Variants in NNMT observed in about 807,000 individuals in gnomAD.
NNMT encodes the protein nicotinamide N-methyltransferase.
A neutral mutation model predicts 11.7 loss-of-function variants in NNMT; 10 were observed. The observed-to-expected ratio is 0.85, with a 90% CI of 0.53 to 1.45. The LOEUF is 1.45. NNMT is among the 40% of genes most tolerant of loss of function. The probability of loss-of-function intolerance (pLI) is 0.00; values close to 1 mark genes in which losing one functional copy is unlikely to be tolerated. For missense variants in NNMT, 381 were observed against 319.4 expected (o/e 1.19, Z -1.47); for synonymous variants, 143 against 133.8 (o/e 1.07, Z -0.48).
intron 2 of NNMT, among the ~76,000 whole-genome samples, chr11:114,308,265 A>G (rs1565728997): frequency 6.6e-6 from 1 of 152,068 alleles, no homozygotes; most frequent in Non-Finnish European, 1.5e-5. Context: ...ACGCTTACTT[A>G]GCCTTGATTT....
At chr11:114,274,578 C>T (rs940520484) in intron 2 of NNMT, among the ~76,000 whole-genome samples, 5 of 152,112 alleles carry the variant, frequency 3.3e-5, no homozygotes, top group African/African-American at 9.7e-5. Flanking sequence ...CTGTGGGGCT[C>T]ATGTAGAAAT....
intron 2 of NNMT, among the ~76,000 whole-genome samples, chr11:114,304,683 T>C (rs1302292086): frequency 6.6e-6 from 1 of 152,082 alleles, no homozygotes; most frequent in Non-Finnish European, 1.5e-5. Flanking sequence ...TAAATACCAC[T>C]CATTTTAAAT....
intron 1 of NNMT, among the ~76,000 whole-genome samples, chr11:114,297,577 C>T (rs1945394617): frequency 1.3e-5 from 2 of 151,332 alleles, no homozygotes. Context: ...TCTCGAACTC[C>T]TGGACTCAAG....
intron 2 of NNMT, among the ~76,000 whole-genome samples, chr11:114,268,813 C>G (rs952512774): frequency 1.3e-5 from 2 of 151,344 alleles, no homozygotes; most frequent in Admixed American, 1.3e-4. Flanking sequence ...GGTTCCCTGC[C>G]TTAGAGCTCC....
At chr11:114,302,390 G>A (rs1393228970) in intron 2 of NNMT, among the ~76,000 whole-genome samples, 1 of 152,084 alleles carries the variant, frequency 6.6e-6, no homozygotes, top group East Asian at 1.9e-4. Flanking sequence ...ATTGCAATAT[G>A]CATCCTTGAC....
At chr11:114,270,896 T>A (rs1945164186) in intron 2 of NNMT, among the ~76,000 whole-genome samples, 1 of 152,034 alleles carries the variant, frequency 6.6e-6, no homozygotes, top group Non-Finnish European at 1.5e-5. Context: ...TGTCTCAGCC[T>A]CCCGAGTAGC....
At chr11:114,289,066 A>G (rs1407730282) in intron 2 of NNMT, among the ~76,000 whole-genome samples, 1 of 152,204 alleles carries the variant, frequency 6.6e-6, no homozygotes, top group African/African-American at 2.4e-5. Context: ...TTTTGTATGA[A>G]ACTAATTTTC....
chr11:114,298,249 C>T, intron 2 of NNMT, 91 bp downstream of exon 2: 1 of 1,084,004 alleles, frequency 9.2e-7, no homozygotes, highest in South Asian at 1.4e-5. Context: ...AAAGAGAAAT[C>T]CAAATGGAGA....
chr11:114,301,288 C>A (rs1945437066), intron 2 of NNMT, among the ~76,000 whole-genome samples: 1 of 152,152 alleles, frequency 6.6e-6, no homozygotes, highest in South Asian at 2.1e-4. Flanking sequence ...ACCCAAAAAG[C>A]TGTGGTATGT....
At chr11:114,274,046 T>C (rs927168984) in intron 2 of NNMT, among the ~76,000 whole-genome samples, 2 of 152,112 alleles carry the variant, frequency 1.3e-5, no homozygotes, top group East Asian at 3.9e-4. Flanking sequence ...GCCTTCCTGC[T>C]CCTAACACTC....
intron 2 of NNMT, among the ~76,000 whole-genome samples, chr11:114,310,768 G>A (rs1339217950): frequency 2.0e-5 from 3 of 152,250 alleles, no homozygotes; most frequent in African/African-American, 7.2e-5. Flanking sequence ...CCTACTCTTA[G>A]TGCTCTGGGG....
Position 114,278,612 on chromosome 11 carries a change from A to ATGTGTG in NNMT, c.-130+15700_-130+15705dup, listed in dbSNP as rs3057704. ...GGGGTGGGAGGTGGACCTAATACTC[A>ATGTGTG]TGTGTGTGTGTGTGTGTGTGTGTGT... On this transcript the variant is annotated intron_variant, in intron 2 of 4. Transcript: ENST00000535401. Among the ~76,000 whole-genome samples the ATGTGTG allele has an allele frequency of 2.9e-3, 429 of 147,114 alleles. 1 individual carries two copies. The highest frequency in any genetic ancestry group is 0.014 in the Middle Eastern group (4 of 286).
At chr11:114,307,186 A>G (rs1306305338) in intron 2 of NNMT, among the ~76,000 whole-genome samples, 2 of 152,160 alleles carry the variant, frequency 1.3e-5, no homozygotes, top group Non-Finnish European at 2.9e-5. Context: ...TATTTCCTCA[A>G]TTGTAAACAT....
chr11:114,265,944 A>G (rs943682619), intron 2 of NNMT, among the ~76,000 whole-genome samples: 7 of 152,044 alleles, frequency 4.6e-5, no homozygotes, highest in Non-Finnish European at 2.9e-5. Flanking sequence ...AACACCTTTA[A>G]TCTGATGTTT....
intron 2 of NNMT, among the ~76,000 whole-genome samples, chr11:114,284,998 T>C (rs1189796568): frequency 2.6e-5 from 4 of 151,700 alleles, no homozygotes; most frequent in African/African-American, 9.7e-5. Context: ...GAACTCCTGA[T>C]CCGCCCACCT....
chr11:114,260,966 T>C (rs1442592612), intron 1 of NNMT, among the ~76,000 whole-genome samples: 1 of 152,118 alleles, frequency 6.6e-6, no homozygotes, highest in Non-Finnish European at 1.5e-5. Context: ...GGTCAGCAAA[T>C]ACCTAGCCCA....
In NNMT at chr11:114,313,199, C is replaced by T. The variant is rs1565730379; in HGVS notation, c.*722C>T. The T allele has an allele frequency of 1.3e-5, 2 of 152,168 alleles. No homozygotes were observed. Among genetic ancestry groups the T allele is most frequent in the Admixed American group, 1.3e-4 (2 of 15,280 alleles). 9.4% of individuals were successfully genotyped at this position (152,168 alleles called of 1,614,324 possible). ...TTAAGAGAATTAAAGTGAATTGTGGCCAGGCACTGTGGCTCATGCCTGTAA... is the reference window on the plus strand; with the variant it reads ...TTAAGAGAATTAAAGTGAATTGTGGTCAGGCACTGTGGCTCATGCCTGTAA... On this transcript the variant is annotated 3_prime_UTR_variant, in exon 3 of 3. Transcript: ENST00000299964.
chr11:114,293,348 C>T (rs1259167543), upstream of NNMT, among the ~76,000 whole-genome samples: 1 of 152,088 alleles, frequency 6.6e-6, no homozygotes, highest in East Asian at 2.0e-4. Flanking sequence ...CCTTTACTCC[C>T]TTTCCCCACC....
intron 2 of NNMT, among the ~76,000 whole-genome samples, chr11:114,304,558 T>C (rs1445991833): frequency 6.6e-6 from 1 of 152,268 alleles, no homozygotes; most frequent in African/African-American, 2.4e-5. Flanking sequence ...CAAGTAGCTT[T>C]ATCAACCTAC....
Sources: gnomAD v4.1 joint callset for allele counts (sites outside exome capture counted in the v4.1 genomes callset) on GRCh38, gnomAD v4.1.1 for gene constraint, MANE v1.5 for transcripts, NCBI Gene and HGNC (gene_info 2026-07-23, HGNC 2026-07-21) for gene names.